RHOT2: variants seen among roughly 807,000 people sequenced by gnomAD.
RHOT2 encodes the protein mitochondrial Rho GTPase 2.
In RHOT2, 90 loss-of-function variants were observed where a neutral mutation model predicts 81.6. The ratio of observed to expected loss-of-function variants is 1.10; its 90% CI spans 0.93 to 1.31. The LOEUF (loss-of-function observed/expected upper bound fraction) is 1.31. Among genes scored for constraint, RHOT2 ranks in the 40% most tolerant of loss-of-function variants. The probability of loss-of-function intolerance (pLI) is 0.00; values close to 1 mark genes in which losing one functional copy is unlikely to be tolerated. For missense variants in RHOT2, 1,014 were observed against 841.9 expected (o/e 1.20, Z -2.53); for synonymous variants, 512 against 370.9 (o/e 1.38, Z -4.37).
At chr16:673,321 C>T in intron 18 of RHOT2, 159 bp from the exon 19 acceptor site, 3 of 1,271,976 alleles carry the variant, frequency 2.4e-6, no homozygotes, top group Non-Finnish European at 3.4e-6. Context: ...GGAGGCAGTG[C>T]CCAGGCATGT....
Position 673,663 on chromosome 16 carries a change from C to A in RHOT2, c.*57C>A. On this transcript the variant is annotated 3_prime_UTR_variant, in exon 19 of 19. Coordinates refer to ENST00000315082, the MANE Select transcript of RHOT2 (RefSeq NM_138769.3). ...CTGGGTGTGCCTCGCTGCTGGGGCT[C>A]TGCAGGGGCAGCACAGCTGGGGTGC... 6.4e-7 allele frequency: 1 copy of A among 1,566,336 alleles called. No homozygotes were observed. The highest frequency in any genetic ancestry group is 8.6e-7 in the Non-Finnish European group (1 of 1,159,068).
At position 670,275 on chromosome 16, in the gene RHOT2, A is replaced by G. The variant is rs748110084; in HGVS notation, c.356A>G (p.Lys119Arg). 1 of 1,612,752 alleles carries G rather than the reference A, an allele frequency of 6.2e-7. No homozygotes were observed. The highest frequency in any genetic ancestry group is 1.3e-5 in the African/African-American group (1 of 75,050). The change falls in exon 7 of 19, where the codon AAG (lysine) becomes AGG (arginine). Residue 119 changes from lysine (K) to arginine (R), a missense_variant. Lys to Arg is a conservative substitution (Grantham distance 26). Coordinates refer to ENST00000315082, the MANE Select transcript of RHOT2 (RefSeq NM_138769.3). The part of the protein sequence containing the change: ...PRVPIILVGN[K>R]SDLRSGSSME... ...GTGCCCATCATCCTAGTGGGCAACA[A>G]GTCAGACCTGCGGTCGGGGAGCTCC...
rs570428174 is a variant in RHOT2, at chr16:673,909, C to T, written c.*303C>T. 1.6e-4 allele frequency: 96 copies of T among 585,912 alleles called. 1 individual carries two copies. The allele number at this position is 585,912 out of a possible 1,614,324, so 36.3% of individuals were successfully genotyped here. On this transcript the variant is annotated 3_prime_UTR_variant, in exon 19 of 19. Transcript: ENST00000315082. ...ATCATGTGTGTGGGGCCGGGGAGCA[C>T]AGGTGTGGGAGCTGGTGACCCCAGA... is the stretch of plus-strand genomic sequence containing the variant.
chr16:668,093 C>T (rs1302986673), upstream of RHOT2: 2 of 416,008 alleles, frequency 4.8e-6, no homozygotes, highest in Middle Eastern at 5.9e-4. Context: ...GGGGACAGCG[C>T]GGGGCCGAGA....
In RHOT2 at chr16:671,922, G is replaced by A. The variant is rs201093612; in HGVS notation, c.1017G>A (p.Ala339=). ...GCCTTTTCAGTGTGTTCCCAGCAGC[G>A]CCCTGGGGCCCCGAGCTCCCACGCA... ...LQSLFSVFPA[A]PWGPELPRTV... is the part of the protein sequence containing the mutation. The change falls in exon 13 of 19, where the codon GCG becomes GCA. Residue 339 remains alanine, a synonymous_variant. Coordinates refer to ENST00000315082, the MANE Select transcript of RHOT2 (RefSeq NM_138769.3). 6.1e-4 allele frequency: 976 copies of A among 1,610,114 alleles called. 18 individuals are homozygous for A. In the South Asian group the frequency reaches 8.5e-3, roughly 14 times the overall value.
At position 671,064 on chromosome 16, in the gene RHOT2, CT is replaced by C. The variant is rs755129704; in HGVS notation, c.749-18del. 1 of 1,608,868 alleles carries C rather than the reference CT, an allele frequency of 6.2e-7. No individual in the cohort carries two copies. Among genetic ancestry groups the C allele is most frequent in the South Asian group, 1.1e-5 (1 of 91,040 alleles). The stretch of plus-strand genomic sequence containing the variant: ...GAGGGGGCTGTGCCTGGTGCTCCCC[CT>C]GCTTTGTCTCGGTGCAGGTTTCCTC... On this transcript the variant is annotated intron_variant, in intron 10 of 18. Transcript: ENST00000315082.
Position 671,231 on chromosome 16 carries a change from C to T in RHOT2, c.869+28C>T, listed in dbSNP as rs186835060. 169 of 1,524,952 alleles carry T rather than the reference C, an allele frequency of 1.1e-4. No individual in the cohort carries two copies. The African/African-American group carries it at 1.9e-3, about 17-fold the overall frequency. 94.5% of individuals were successfully genotyped at this position (1,524,952 alleles called of 1,614,324 possible). On this transcript the variant is annotated intron_variant, in intron 11 of 18. Transcript: ENST00000315082. ...GAGTGATGCCGGGGCTTGAGGCCTG[C>T]CCTCCCCGAGGGTCAGGAGCTGACT... is the stretch of plus-strand genomic sequence containing the variant.
chr16:671,659 G>C (rs369539205), intron 11 of RHOT2, 38 bp from the exon 12 acceptor site: 11 of 1,593,946 alleles, frequency 6.9e-6, no homozygotes, highest in Admixed American at 5.0e-5. Context: ...GTGCTGCAGA[G>C]TCTCCTGGGA....
At position 671,709 on chromosome 16, in the gene RHOT2, C is replaced by G. The variant is rs2151475619; in HGVS notation, c.882C>G (p.Pro294=). 1 of 1,612,298 alleles carries G rather than the reference C, an allele frequency of 6.2e-7. No individual in the cohort carries two copies. Residue 294 remains proline, a synonymous_variant, in exon 12 of 19, where the codon CCC becomes CCG. Transcript: ENST00000315082. ...GGCCTCCCTGCAGGATCCACGTGCC[C>G]CCCGGCTGCAGCACGGAGCTCAACC... is the stretch of plus-strand genomic sequence containing the variant. ...ADYLSPLIHV[P]PGCSTELNHL...
rs201086643 is a variant in RHOT2, at chr16:668,673, G to A, written c.196G>A (p.Glu66Lys). ...CCCCCTAGAAGCCGAGCAGACGGAC[G>A]AGGAGCTGCGGGAGGAGATCCACAA... is the stretch of plus-strand genomic sequence containing the variant. The part of the protein sequence containing the change: ...VDYSEAEQTD[E>K]ELREEIHKAN... Residue 66 changes from glutamate (E) to lysine (K), a missense_variant, in exon 4 of 19, where the codon GAG (glutamate) becomes AAG (lysine). Physicochemically the swap from Glu to Lys is moderately conservative, Grantham distance 56 (BLOSUM62 1). Transcript: ENST00000315082. 73 of 1,604,704 alleles carry A rather than the reference G, an allele frequency of 4.5e-5. 4 individuals are homozygous for A. In the Admixed American group the frequency reaches 1.0e-3, roughly 22 times the overall value.
At chr16:672,227 T>C in intron 14 of RHOT2, 27 bp from the exon 15 acceptor site, 1 of 1,611,452 alleles carries the variant, frequency 6.2e-7, no homozygotes. Context: ...TCCTGGCAGC[T>C]GCCCTAACCC....
At chr16:669,652 T>C (rs762747164) in intron 5 of RHOT2, 46 bp downstream of exon 5, 2 of 1,594,278 alleles carry the variant, frequency 1.3e-6, no homozygotes, top group Admixed American at 3.3e-5. Flanking sequence ...CAGTGGCCGG[T>C]GGTGGCCCAG....
chr16:673,538 G>C lies in RHOT2; in HGVS notation c.1789G>C (p.Val597Leu), dbSNP rs2039313317. 1 of 1,612,608 alleles carries C rather than the reference G, an allele frequency of 6.2e-7. No homozygotes were observed. Among genetic ancestry groups the C allele is most frequent in the East Asian group, 2.2e-5 (1 of 44,886 alleles). Residue 597 changes from valine (V) to leucine (L), a missense_variant, in exon 19 of 19, where the codon GTT becomes CTT. Val to Leu is a conservative substitution (Grantham distance 32). Coordinates refer to ENST00000315082, the MANE Select transcript of RHOT2 (RefSeq NM_138769.3). ...CTTCTGGCTCCGGGGGCTGCTGGGG[G>C]TTGTCGGGGCCGCCGTGGCCGCAGT... The part of the protein sequence containing the change: ...SSFWLRGLLG[V>L]VGAAVAAVLS...
At chr16:673,151 C>T (rs1201627952) in intron 18 of RHOT2, 21 bp downstream of exon 18, 3 of 1,604,504 alleles carry the variant, frequency 1.9e-6, no homozygotes, top group Non-Finnish European at 2.6e-6. Context: ...AGTAGCGCAG[C>T]CCTGGGGACT....
Position 672,115 on chromosome 16 carries a change from C to T in RHOT2, c.1129C>T (p.Leu377Phe), listed in dbSNP as rs2039055193. 2 of 1,612,722 alleles carry T rather than the reference C, an allele frequency of 1.2e-6. No homozygotes were observed. Among genetic ancestry groups the T allele is most frequent in the Non-Finnish European group, 8.5e-7 (1 of 1,179,952 alleles). Reference protein sequence around the residue: ...LVTYLDVRSCLGHLGYLGYPT... With the variant: ...LVTYLDVRSCFGHLGYLGYPT... ...GACCTACCTGGACGTCCGGAGCTGCCTTGGACACCTAGGCTACCTGGGCTA... is the reference window on the plus strand; with the variant it reads ...GACCTACCTGGACGTCCGGAGCTGCTTTGGACACCTAGGCTACCTGGGCTA... Residue 377 changes from leucine (L) to phenylalanine (F), a missense_variant, in exon 14 of 19, where the codon CTT (leucine) becomes TTT (phenylalanine). Leu to Phe is a conservative substitution (Grantham distance 22, BLOSUM62 0). Transcript: ENST00000315082.
Position 672,163 on chromosome 16 carries a change from C to A in RHOT2, c.1177C>A (p.Gln393Lys). The A allele has an allele frequency of 1.2e-6, 2 of 1,612,742 alleles. No individual in the cohort carries two copies. The highest frequency in any genetic ancestry group is 2.2e-5 in the South Asian group (2 of 91,088). ...CTACCCCACCCTCTGTGAGCAGGAC[C>A]AGGCCCATGCCATCACAGGTAGGCA... ...LGYPTLCEQD[Q>K]AHAITVTREK... Residue 393 changes from glutamine (Q) to lysine (K), a missense_variant, in exon 14 of 19, where the codon CAG (glutamine) becomes AAG (lysine). Gln to Lys is a moderately conservative substitution (Grantham distance 53). Coordinates refer to ENST00000315082, the MANE Select transcript of RHOT2 (RefSeq NM_138769.3).
intron 5 of RHOT2, 147 bp downstream of exon 5, chr16:669,753 C>T (rs2038590329): frequency 5.1e-6 from 4 of 778,418 alleles, no homozygotes; most frequent in Non-Finnish European, 6.4e-6. Flanking sequence ...GTCACCCGGC[C>T]CTCTCCTGTG....
Position 671,997 on chromosome 16 carries a change from G to T in RHOT2, c.1092G>T (p.Gln364His), listed in dbSNP as rs1302672003. 6.2e-7 allele frequency: 1 copy of T among 1,611,848 alleles called. No individual in the cohort carries two copies. Among genetic ancestry groups the T allele is most frequent in the East Asian group, 2.2e-5 (1 of 44,870 alleles). ...GRLPLHGYLC[Q>H]WTLVTYLDVR... ...TGCCCCTGCACGGATACCTCTGCCA[G>T]TGGACGTAAGTGCGGCCCACACCAT... Residue 364 changes from glutamine to histidine, a missense_variant, in exon 13 of 19, where the codon CAG (glutamine) becomes CAT (histidine). Physicochemically the swap from Gln to His is conservative, Grantham distance 24. Coordinates refer to ENST00000315082, the MANE Select transcript of RHOT2 (RefSeq NM_138769.3).
At position 672,639 on chromosome 16, in the gene RHOT2, G is replaced by A. The variant is rs563033639; in HGVS notation, c.1405-64G>A. ...CACCCAGGCCTGCCTGGCAGATCTG[G>A]CCCAGCATGGCCCTAGGGGGACCGA... On this transcript the variant is annotated intron_variant, in intron 16 of 18. Coordinates refer to ENST00000315082, the MANE Select transcript of RHOT2 (RefSeq NM_138769.3). The A allele has an allele frequency of 1.8e-4, 287 of 1,609,552 alleles. 1 individual carries two copies. The African/African-American group carries it at 3.4e-3, about 19-fold the overall frequency.
Sources: allele counts gnomAD v4.1 joint callset, GRCh38; gene constraint gnomAD v4.1.1; transcripts MANE v1.5; gene names NCBI Gene and HGNC (gene_info 2026-07-23, HGNC 2026-07-21).